RBFOX1: variants seen among roughly 807,000 people sequenced by gnomAD.
RBFOX1 encodes RNA binding fox-1 homolog 1.
Under a neutral mutation model 57.7 loss-of-function variants are expected in RBFOX1, and 8 were observed. That is an observed-to-expected ratio of 0.14 (90% CI 0.08 to 0.25). The LOEUF is 0.25. Ranked by LOEUF, RBFOX1 falls within the 10% of genes least tolerant of loss-of-function variation. The pLI, the probability that RBFOX1 is intolerant of heterozygous loss-of-function variation, is 1.00. For missense variants in RBFOX1, 611 were observed against 548.5 expected, an observed-to-expected ratio of 1.11 and a Z score of -1.14; for synonymous variants, 326 against 222.4, an observed-to-expected ratio of 1.47 and a Z score of -4.15.
intron 3 of RBFOX1, among the ~76,000 whole-genome samples, chr16:5,750,942 C>T (rs62014100): frequency 6.6e-6 from 1 of 152,110 alleles, no homozygotes; most frequent in South Asian, 2.1e-4. Context: ...TACCTGTCTT[C>T]TGCGTTGCTC....
At chr16:7,612,511 G>C (rs1287890714) in intron 10 of RBFOX1, among the ~76,000 whole-genome samples, 1 of 151,752 alleles carries the variant, frequency 6.6e-6, no homozygotes, top group Non-Finnish European at 1.5e-5. Context: ...ATCTAGTGTA[G>C]TTAAAAATAG....
At chr16:7,477,188 C>A (rs1017303514) in intron 4 of RBFOX1, among the ~76,000 whole-genome samples, 1 of 152,142 alleles carries the variant, frequency 6.6e-6, no homozygotes, top group Non-Finnish European at 1.5e-5. Context: ...CTTGTGGATG[C>A]TAAAATCGGT....
rs1443501924 is a variant in RBFOX1, at chr16:6,097,730, C to G, written c.-127+77738C>G. On this transcript the variant is annotated intron_variant, in intron 1 of 15. Transcript: ENST00000550418. The surrounding 1 kb of genome is among the most constrained non-coding windows in gnomAD (Gnocchi z 5.0). The stretch of plus-strand genomic sequence containing the variant: ...CCATAGACTCAACTCCTGTGCTATA[C>G]TGCCTCTGTGTCTTTGGTCTGTGTT... 6.6e-6 allele frequency among the ~76,000 whole-genome samples: 1 copy of G among 151,934 alleles called. No homozygotes were observed. The highest frequency in any genetic ancestry group is 1.9e-4 in the East Asian group (1 of 5,186).
intron 3 of RBFOX1, among the ~76,000 whole-genome samples, chr16:5,672,124 T>C (rs1371984113): frequency 6.6e-6 from 1 of 152,176 alleles, no homozygotes; most frequent in Non-Finnish European, 1.5e-5. Context: ...TTTAGAGTCA[T>C]TCTCTCAGTC....
chr16:6,776,166 C>G (rs933595468), intron 3 of RBFOX1, among the ~76,000 whole-genome samples: 1 of 151,980 alleles, frequency 6.6e-6, no homozygotes, highest in Non-Finnish European at 1.5e-5. Context: ...AATCCCAGCA[C>G]TTTGGGAGGC....
chr16:7,301,780 C>A lies in RBFOX1; in HGVS notation c.28-216367C>A, dbSNP rs191713128. Among the ~76,000 whole-genome samples the A allele has an allele frequency of 4.6e-3, 701 of 152,156 alleles. 2 individuals carry two copies. Among genetic ancestry groups the A allele is most frequent in the African/African-American group, 0.016 (651 of 41,492 alleles). On this transcript the variant is annotated intron_variant, in intron 4 of 15. Transcript: ENST00000550418. ...TAAAGGAAAGCAGTGCGAACCCGTC[C>A]GTACAGCAGATTGCTTGACGCAACA...
Position 7,150,108 on chromosome 16 carries a change from G to C in RBFOX1, c.27+98010G>C, listed in dbSNP as rs533430968. Among the ~76,000 whole-genome samples, 152 of 152,202 alleles carry C rather than the reference G, an allele frequency of 1.0e-3. 1 individual carries two copies. Among genetic ancestry groups the C allele is most frequent in the African/African-American group, 3.5e-3 (144 of 41,522 alleles). ...TGTTCTTCCCTCTCTCTTTCCTTGTGCTTATTCCGGTCATAGGGCTTTCAT... is the reference window on the plus strand; with the variant it reads ...TGTTCTTCCCTCTCTCTTTCCTTGTCCTTATTCCGGTCATAGGGCTTTCAT... On this transcript the variant is annotated intron_variant, in intron 4 of 15. Transcript: ENST00000550418.
At chr16:6,542,935 A>C (rs2096843953) in intron 2 of RBFOX1, among the ~76,000 whole-genome samples, 1 of 152,030 alleles carries the variant, frequency 6.6e-6, no homozygotes, top group East Asian at 1.9e-4. Flanking sequence ...CACAGTTAGA[A>C]GGGGCGTCTG....
intron 3 of RBFOX1, among the ~76,000 whole-genome samples, chr16:5,779,592 C>T (rs868359992): frequency 1.1e-4 from 17 of 152,108 alleles, no homozygotes; most frequent in African/African-American, 3.6e-4. Context: ...GAGAGTTGTT[C>T]TTGTGAATGT....
intron 2 of RBFOX1, among the ~76,000 whole-genome samples, chr16:6,564,862 T>C (rs2097236884): frequency 6.6e-6 from 1 of 152,100 alleles, no homozygotes; most frequent in Non-Finnish European, 1.5e-5. Context: ...CATTTGCGGC[T>C]GGGCACGGTG....
At chr16:6,313,922 C>T (rs1273351673) in intron 1 of RBFOX1, among the ~76,000 whole-genome samples, 1 of 151,990 alleles carries the variant, frequency 6.6e-6, no homozygotes, top group Admixed American at 6.6e-5. Flanking sequence ...CATTTCTGTT[C>T]TCGCTTTATA....
chr16:6,208,708 C>T (rs2097271794), intron 1 of RBFOX1, among the ~76,000 whole-genome samples: 1 of 152,122 alleles, frequency 6.6e-6, no homozygotes, highest in Non-Finnish European at 1.5e-5. Flanking sequence ...AGAGTCAGAA[C>T]CTTCCATATT....
intron 7 of RBFOX1, among the ~76,000 whole-genome samples, chr16:7,587,776 T>C (rs2094206567): frequency 6.6e-6 from 1 of 152,248 alleles, no homozygotes; most frequent in African/African-American, 2.4e-5. Context: ...TTTAGCAATT[T>C]GCCATTGCTT....
intron 2 of RBFOX1, among the ~76,000 whole-genome samples, chr16:6,565,119 C>G (rs1335004311): frequency 2.6e-5 from 3 of 113,240 alleles, no homozygotes; most frequent in Non-Finnish European, 3.6e-5. Context: ...TGGGGAGACT[C>G]TGTCTCCAAA....
At chr16:7,446,958 G>A (rs541777915) in intron 4 of RBFOX1, among the ~76,000 whole-genome samples, 9 of 151,490 alleles carry the variant, frequency 5.9e-5, no homozygotes, top group African/African-American at 2.2e-4. Flanking sequence ...GACTACAGGT[G>A]CCCGCCACCA....
intron 3 of RBFOX1, among the ~76,000 whole-genome samples, chr16:5,819,215 C>G (rs551848933): frequency 4.6e-5 from 7 of 152,168 alleles, no homozygotes; most frequent in Non-Finnish European, 1.0e-4. Context: ...GGGCCCACTT[C>G]CTAGATGGCC....
intron 2 of RBFOX1, among the ~76,000 whole-genome samples, chr16:6,539,036 T>C (rs901377496): frequency 6.6e-6 from 1 of 152,052 alleles, no homozygotes; most frequent in Non-Finnish European, 1.5e-5. Flanking sequence ...GTGTCCTATA[T>C]GATTTGAATA....
In RBFOX1 at chr16:7,506,634, T is replaced by C. The variant is rs1479156434; in HGVS notation, c.28-11513T>C. 2.0e-5 allele frequency among the ~76,000 whole-genome samples: 3 copies of C among 152,320 alleles called. No homozygotes were observed. In the South Asian group the frequency reaches 6.2e-4, roughly 32 times the overall value. On this transcript the variant is annotated intron_variant, in intron 4 of 15. Transcript: ENST00000550418. The stretch of plus-strand genomic sequence containing the variant: ...ACCACCACCATCTTTGCTTTTATCT[T>C]CTTATGGATTCAGTAACAAGAATTC...
chr16:6,906,113 A>T (rs998464496), intron 3 of RBFOX1, among the ~76,000 whole-genome samples: 1 of 152,232 alleles, frequency 6.6e-6, no homozygotes, highest in Non-Finnish European at 1.5e-5. Flanking sequence ...TCATTAAAAA[A>T]AAATTATAAT....
Sources: gnomAD v4.1 joint callset for allele counts (sites outside exome capture counted in the v4.1 genomes callset) on GRCh38, gnomAD v4.1.1 for gene constraint, Gnocchi (gnomAD v3.1) non-coding constraint, MANE v1.5 for transcripts, NCBI Gene and HGNC (gene_info 2026-07-23, HGNC 2026-07-21) for gene names.